Variants in TENM3 observed in about 807,000 individuals in gnomAD.
The protein encoded by TENM3 is teneurin transmembrane protein 3, also known as teneurin-3.
Under a neutral mutation model 255.1 loss-of-function variants are expected in TENM3, and 63 were observed. The ratio of observed to expected loss-of-function variants is 0.25; its 90% CI spans 0.20 to 0.30. The LOEUF (loss-of-function observed/expected upper bound fraction) is 0.30. TENM3 is among the 10% of genes least tolerant of loss of function. The probability of loss-of-function intolerance (pLI) is 1.00; values close to 1 mark genes in which losing one functional copy is unlikely to be tolerated. For missense variants in TENM3, 2,929 were observed against 3,461.1 expected (o/e 0.85, Z 3.86); for synonymous variants, 1,306 against 1,322.3 (o/e 0.99, Z 0.27).
chr4:181,586,420 G>A, the TENM3 span, among the ~76,000 whole-genome samples: 1 of 152,262 alleles, frequency 6.6e-6, no homozygotes, highest in South Asian at 2.1e-4. Context: ...GACTCAACTA[G>A]ACAATGAGTC....
the TENM3 span, among the ~76,000 whole-genome samples, chr4:181,754,284 TCACACA>T: frequency 3.8e-3 from 543 of 144,608 alleles, 4 homozygotes; most frequent in South Asian, 0.038. Flanking sequence ...TATATCCCAG[TCACACA>T]CACACACACA....
intron 13 of TENM3, among the ~76,000 whole-genome samples, chr4:182,714,636 A>AT (rs1759016074): frequency 6.6e-6 from 1 of 152,202 alleles, no homozygotes; most frequent in African/African-American, 2.4e-5. Context: ...AAAGGCATGG[A>AT]TGGAAAAAAA....
chr4:181,896,776 G>A, the TENM3 span, among the ~76,000 whole-genome samples: 1 of 152,160 alleles, frequency 6.6e-6, no homozygotes, highest in Non-Finnish European at 1.5e-5. Flanking sequence ...AGCTTACCAG[G>A]CCCTCGGCCA....
At chr4:181,478,577 C>T in the TENM3 span, among the ~76,000 whole-genome samples, 2 of 152,108 alleles carry the variant, frequency 1.3e-5, no homozygotes, top group African/African-American at 2.4e-5. Context: ...GAAAATACAC[C>T]GGCCATTTTC....
At chr4:182,023,617 T>C in the TENM3 span, among the ~76,000 whole-genome samples, 1 of 152,210 alleles carries the variant, frequency 6.6e-6, no homozygotes, top group Non-Finnish European at 1.5e-5. Context: ...TGGCCCCCTG[T>C]GCATGGAAAA....
the TENM3 span, among the ~76,000 whole-genome samples, chr4:182,052,964 G>T: frequency 6.6e-6 from 1 of 152,094 alleles, no homozygotes; most frequent in African/African-American, 2.4e-5. Context: ...CATTTTAGCA[G>T]TATATATACA....
chr4:181,620,674 A>AAG, the TENM3 span, among the ~76,000 whole-genome samples: 1 of 151,986 alleles, frequency 6.6e-6, no homozygotes, highest in African/African-American at 2.4e-5. Context: ...AAAAAAAAAA[A>AAG]AAAGAAAAAG....
the TENM3 span, among the ~76,000 whole-genome samples, chr4:181,766,455 C>G: frequency 2.0e-5 from 3 of 152,134 alleles, no homozygotes; most frequent in Non-Finnish European, 4.4e-5. Context: ...AAGTGCAATA[C>G]TTGTTGCCGA....
At chr4:181,598,372 C>T in the TENM3 span, among the ~76,000 whole-genome samples, 1 of 152,170 alleles carries the variant, frequency 6.6e-6, no homozygotes, top group Non-Finnish European at 1.5e-5. Context: ...ATCCTTCCCA[C>T]AACAGTGGTT....
At chr4:182,554,348 A>G (rs918789402) in intron 3 of TENM3, among the ~76,000 whole-genome samples, 1 of 152,194 alleles carries the variant, frequency 6.6e-6, no homozygotes, top group African/African-American at 2.4e-5. Flanking sequence ...ACCTCATCCC[A>G]TCTGACCACT....
chr4:182,324,266 C>G lies in TENM3; in HGVS notation c.232+14C>G. 6.3e-7 allele frequency: 1 copy of G among 1,581,898 alleles called. No homozygotes were observed. Among genetic ancestry groups the G allele is most frequent in the African/African-American group, 1.3e-5 (1 of 74,428 alleles). On this transcript the variant is annotated intron_variant, in intron 2 of 27. Coordinates refer to ENST00000511685, the MANE Select transcript of TENM3 (RefSeq NM_001080477.4). ...TCACTAGACAAGGTGGGTAACTGTC[C>G]TAGTAAAATAAGGCAATGCTCACGT...
At chr4:182,685,945 A>T (rs1447925804) in intron 11 of TENM3, among the ~76,000 whole-genome samples, 2 of 152,062 alleles carry the variant, frequency 1.3e-5, no homozygotes, top group Non-Finnish European at 2.9e-5. Context: ...ATACATATAA[A>T]TGTTCATTAA....
At chr4:182,143,713 T>A (rs568360858), upstream of TENM3, 1 of 155,982 alleles carries the variant, frequency 6.4e-6, no homozygotes, top group South Asian at 2.1e-4. The surrounding 1 kb of genome is among the most constrained non-coding windows in gnomAD (Gnocchi z 4.3). Flanking sequence ...CCCCATTTTG[T>A]TGGTGCGTGT....
chr4:181,851,021 AT>A, the TENM3 span, among the ~76,000 whole-genome samples: 58,287 of 151,808 alleles, frequency 0.38, 11,619 homozygotes, highest in Admixed American at 0.5. Context: ...AAAAGGATGA[AT>A]TGCATTTTCA....
the TENM3 span, among the ~76,000 whole-genome samples, chr4:181,681,384 A>G: frequency 6.6e-6 from 1 of 152,096 alleles, no homozygotes; most frequent in Non-Finnish European, 1.5e-5. Context: ...AAAGAACACC[A>G]GTCTGTTTCT....
the TENM3 span, among the ~76,000 whole-genome samples, chr4:181,847,917 C>G: frequency 3.9e-5 from 6 of 152,062 alleles, no homozygotes; most frequent in African/African-American, 1.4e-4. Flanking sequence ...AAAACCTGCT[C>G]AGGACTGAAA....
At chr4:182,337,982 T>TG (rs1175456972) in intron 2 of TENM3, among the ~76,000 whole-genome samples, 1 of 152,154 alleles carries the variant, frequency 6.6e-6, no homozygotes, top group African/African-American at 2.4e-5. Context: ...GGGGATTGAC[T>TG]GGGTACGGGA....
At chr4:181,539,010 A>C in the TENM3 span, among the ~76,000 whole-genome samples, 2 of 152,188 alleles carry the variant, frequency 1.3e-5, no homozygotes, top group Admixed American at 1.3e-4. Context: ...AGAGGGTACA[A>C]ATCTTTTATA....
At chr4:181,766,124 G>T in the TENM3 span, among the ~76,000 whole-genome samples, 2 of 152,144 alleles carry the variant, frequency 1.3e-5, no homozygotes, top group Admixed American at 1.3e-4. Flanking sequence ...TGGACTCCCA[G>T]ATGCGCCTCC....
Sources: allele counts gnomAD v4.1 joint callset (sites outside exome capture counted in the v4.1 genomes callset), GRCh38; gene constraint gnomAD v4.1.1; non-coding constraint Gnocchi (gnomAD v3.1); transcripts MANE v1.5; gene names NCBI Gene and HGNC (gene_info 2026-07-23, HGNC 2026-07-21).